Variants in TOX observed in about 807,000 individuals in gnomAD.
TOX encodes thymocyte selection-associated high mobility group box protein TOX.
In TOX, 11 loss-of-function variants were observed where a neutral mutation model predicts 53.7. That is an observed-to-expected ratio of 0.20 (90% CI 0.13 to 0.34). TOX has a LOEUF of 0.34. Among genes scored for constraint, TOX ranks in the 10% least tolerant of loss-of-function variants. TOX has a pLI of 1.00. For missense variants in TOX, 570 were observed against 664.6 expected (o/e 0.86, Z 1.56); for synonymous variants, 225 against 245.3 (o/e 0.92, Z 0.77).
At position 59,117,338 on chromosome 8, in the gene TOX, C is replaced by T. The variant is rs754811228; in HGVS notation, c.102+1548G>A. Among the ~76,000 whole-genome samples, 2 of 152,258 alleles carry T rather than the reference C, an allele frequency of 1.3e-5. No individual in the cohort carries two copies. Among genetic ancestry groups the T allele is most frequent in the African/African-American group, 4.8e-5 (2 of 41,460 alleles). On this transcript the variant is annotated intron_variant, in intron 1 of 8. Transcript: ENST00000361421. This position sits in a 1 kb window ranked among gnomAD's most constrained non-coding sequence, Gnocchi z 4.6. ...AAACTTCATCACACAAACTCCTATG[C>T]GCTTGCCAAAGTTCCCCGTACCTTT...
chr8:59,116,243 A>C (rs543537208), intron 1 of TOX, among the ~76,000 whole-genome samples: 1 of 152,348 alleles, frequency 6.6e-6, no homozygotes, highest in Non-Finnish European at 1.5e-5. Flanking sequence ...TATTAAAAAC[A>C]AATCACCTGA....
At chr8:58,847,315 A>T (rs781178632) in intron 4 of TOX, among the ~76,000 whole-genome samples, 17 of 152,204 alleles carry the variant, frequency 1.1e-4, no homozygotes, top group Non-Finnish European at 2.1e-4. Context: ...AATAAAAGAG[A>T]TTAAATACAT....
At chr8:58,987,330 T>C (rs897643925) in intron 1 of TOX, among the ~76,000 whole-genome samples, 3 of 152,160 alleles carry the variant, frequency 2.0e-5, no homozygotes, top group Admixed American at 2.0e-4. Flanking sequence ...CAAATGCAGG[T>C]GGCCAAATGC....
intron 1 of TOX, among the ~76,000 whole-genome samples, chr8:59,110,417 A>G (rs1432663196): frequency 2.6e-5 from 4 of 152,154 alleles, no homozygotes; most frequent in Non-Finnish European, 4.4e-5. Context: ...AATGCGTATA[A>G]CACTTTACCC....
chr8:59,101,872 C>T (rs138084195), intron 1 of TOX, among the ~76,000 whole-genome samples: 136 of 152,296 alleles, frequency 8.9e-4, no homozygotes, highest in African/African-American at 2.9e-3. Flanking sequence ...TATGCACACA[C>T]CTAAAATCTA....
intron 6 of TOX, among the ~76,000 whole-genome samples, chr8:58,824,105 C>A (rs866479988): frequency 6.6e-6 from 1 of 151,992 alleles, no homozygotes; most frequent in Non-Finnish European, 1.5e-5. Context: ...TTTAGGAGTG[C>A]GGGAGAGCAC....
At chr8:58,989,089 T>C (rs778447651) in intron 1 of TOX, among the ~76,000 whole-genome samples, 18 of 152,110 alleles carry the variant, frequency 1.2e-4, no homozygotes, top group Non-Finnish European at 2.2e-4. Context: ...CCGAGGCAGG[T>C]GGATCACCTG....
rs182577303 is a variant in TOX at position 59,024,970 on chromosome 8, A to G, written c.103-64962T>C. On this transcript the variant is annotated intron_variant, in intron 1 of 8. Transcript: ENST00000361421. ...TTTAAATATCAACTATTAACAGAAAATGATATATAGTAGCCACAGAAATCC... is the reference window on the plus strand; with the variant it reads ...TTTAAATATCAACTATTAACAGAAAGTGATATATAGTAGCCACAGAAATCC... Among the ~76,000 whole-genome samples, 550 of 152,340 alleles carry G rather than the reference A, an allele frequency of 3.6e-3. 5 individuals are homozygous for G. The highest frequency in any genetic ancestry group is 4.9e-3 in the Non-Finnish European group (330 of 68,024).
intron 6 of TOX, among the ~76,000 whole-genome samples, chr8:58,818,054 T>C (rs1016362750): frequency 1.3e-5 from 2 of 152,206 alleles, no homozygotes; most frequent in South Asian, 2.1e-4. Flanking sequence ...GGAATAGATG[T>C]ACAGATTTAC....
At chr8:59,081,906 A>T (rs975893424) in intron 1 of TOX, among the ~76,000 whole-genome samples, 9 of 152,350 alleles carry the variant, frequency 5.9e-5, no homozygotes, top group African/African-American at 2.2e-4. Flanking sequence ...CATTACCAAA[A>T]TTGTGAATAT....
In TOX at chr8:58,851,690, T is replaced by C. The variant is rs761024434; in HGVS notation, c.527A>G (p.His176Arg). 8.7e-6 allele frequency: 14 copies of C among 1,613,578 alleles called. No individual in the cohort carries two copies. The East Asian group carries it at 2.7e-4, about 31-fold the overall frequency. The change falls in exon 4 of 9, where the codon CAT becomes CGT. Residue 176 changes from histidine to arginine, a missense_variant. This residue lies in a region of TOX where 282 missense variants were observed against 315.0 expected (regional missense o/e 0.90). Coordinates refer to ENST00000361421, the MANE Select transcript of TOX (RefSeq NM_014729.3). The surrounding 1 kb of genome is among the most constrained non-coding windows in gnomAD (Gnocchi z 4.4). Reference protein sequence around the residue: ...DIRQQPGMMPHGQLTTINQSQ... With the variant: ...DIRQQPGMMPRGQLTTINQSQ... ...CTGGTTAATGGTAGTCAGCTGGCCA[T>C]GTGGCATCATTCCTGGCTGCTGCCT...
intron 1 of TOX, among the ~76,000 whole-genome samples, chr8:59,017,356 A>AG (rs1814035631): frequency 6.6e-6 from 1 of 152,200 alleles, no homozygotes. Context: ...TGCATCAGAG[A>AG]GTATTTTTCA....
chr8:59,061,129 A>C (rs1321108218), intron 1 of TOX, among the ~76,000 whole-genome samples: 4 of 152,246 alleles, frequency 2.6e-5, no homozygotes, highest in Admixed American at 2.6e-4. Context: ...GATTGTAAAT[A>C]ATGTAAAACA....
Position 58,851,733 on chromosome 8 carries a change from C to T in TOX, c.484G>A (p.Gly162Ser). ...HPQMAAMRPR[G>S]QPADIRQQPG... ...TGCTGCCTGATGTCTGCAGGCTGGC[C>T]CCTTGGTCTCATGGCTGCCATCTGA... Residue 162 changes from glycine (G) to serine (S), a missense_variant, in exon 4 of 9, where the codon GGC becomes AGC. Physicochemically the swap from Gly to Ser is moderately conservative, Grantham distance 56 (BLOSUM62 0). Coordinates refer to ENST00000361421, the MANE Select transcript of TOX (RefSeq NM_014729.3). This position sits in a 1 kb window ranked among gnomAD's most constrained non-coding sequence, Gnocchi z 4.4. The T allele has an allele frequency of 6.2e-7, 1 of 1,612,934 alleles. No individual in the cohort carries two copies. Among genetic ancestry groups the T allele is most frequent in the Non-Finnish European group, 8.5e-7 (1 of 1,179,712 alleles).
intron 3 of TOX, among the ~76,000 whole-genome samples, chr8:58,891,648 AAG>A (rs1811562962): frequency 6.6e-6 from 1 of 152,216 alleles, no homozygotes; most frequent in Admixed American, 6.5e-5. Context: ...GGAAAGTTGA[AAG>A]AGTTTCTGTT....
rs67045037 is a variant in TOX at position 58,965,894 on chromosome 8, GTTTTTTTTTTTT to G, written c.103-5898_103-5887del. Among the ~76,000 whole-genome samples, 31 of 49,630 alleles carry G rather than the reference GTTTTTTTTTTTT, an allele frequency of 6.2e-4. 1 individual carries two copies. The highest frequency in any genetic ancestry group is 1.8e-3 in the African/African-American group (24 of 13,052). The allele number at this position is 49,630 out of a possible 152,430, so 32.6% of individuals were successfully genotyped here. On this transcript the variant is annotated intron_variant, in intron 1 of 8. Transcript: ENST00000361421. ...GCCCAGTATAAGATTACGAGTCATC[GTTTTTTTTTTTT>G]TTTTTTTTTTTTTTTTTTTGGTAAC...
chr8:58,937,274 C>A (rs1050470485), intron 3 of TOX, among the ~76,000 whole-genome samples: 2 of 152,162 alleles, frequency 1.3e-5, no homozygotes, highest in Non-Finnish European at 2.9e-5. Flanking sequence ...ATTTGTTTCC[C>A]CTATACCCTG....
At chr8:59,054,908 A>C (rs899376313) in intron 1 of TOX, among the ~76,000 whole-genome samples, 1 of 132,798 alleles carries the variant, frequency 7.5e-6, no homozygotes, top group Non-Finnish European at 1.6e-5. Flanking sequence ...GGAAAAAAGA[A>C]AGAAAGAGAA....
chr8:59,067,722 C>T (rs79254914), intron 1 of TOX, among the ~76,000 whole-genome samples: 2,261 of 151,852 alleles, frequency 0.015, 68 homozygotes, highest in African/African-American at 0.052. Flanking sequence ...AAAATGGAGG[C>T]GCTTATTTCA....
Sources: allele counts gnomAD v4.1 joint callset (sites outside exome capture counted in the v4.1 genomes callset), GRCh38; gene constraint gnomAD v4.1.1; regional missense constraint gnomAD v4.1.1; non-coding constraint Gnocchi (gnomAD v3.1); transcripts MANE v1.5; gene names NCBI Gene and HGNC (gene_info 2026-07-23, HGNC 2026-07-21).